The following PPP6C variants were observed in gnomAD, a reference collection of about 807,000 sequenced individuals.
The protein encoded by PPP6C is protein phosphatase 6 catalytic subunit.
In PPP6C, 11 loss-of-function variants were observed where a neutral mutation model predicts 39.8. That is an observed-to-expected ratio of 0.28 (90% CI 0.17 to 0.46). PPP6C has a LOEUF of 0.46. Ranked by LOEUF, PPP6C falls within the 20% of genes least tolerant of loss-of-function variation. The pLI, the probability that PPP6C is intolerant of heterozygous loss-of-function variation, is 1.00. For missense variants in PPP6C, 211 were observed against 373.9 expected (o/e 0.56, Z 3.59); for synonymous variants, 129 against 130.3 (o/e 0.99, Z 0.07).
In PPP6C at chr9:125,148,699, T is replaced by C. The variant is rs568793366; in HGVS notation, c.*974A>G. ...AGATTTTAGTTAATAATACTCATGA[T>C]AGATTGTAAACTGGATTGATCACAT... On this transcript the variant is annotated 3_prime_UTR_variant, in exon 7 of 7. Transcript: ENST00000373547. 2 of 152,346 alleles carry C rather than the reference T, an allele frequency of 1.3e-5. No individual in the cohort carries two copies. The highest frequency in any genetic ancestry group is 4.8e-5 in the African/African-American group (2 of 41,592). The allele number at this position is 152,346 out of a possible 1,614,324, so 9.4% of individuals were successfully genotyped here. A position where few individuals can be genotyped will look rare whatever the true frequency, so the allele number is the denominator to read the frequency against.
At chr9:125,172,240 C>CAG (rs975450740) in intron 1 of PPP6C, among the ~76,000 whole-genome samples, 1 of 151,262 alleles carries the variant, frequency 6.6e-6, no homozygotes, top group African/African-American at 2.4e-5. Flanking sequence ...TTTTTTGAGA[C>CAG]AGAGTCTTGG....
At chr9:125,185,640 G>A (rs1475958412) in intron 1 of PPP6C, among the ~76,000 whole-genome samples, 1 of 151,496 alleles carries the variant, frequency 6.6e-6, no homozygotes, top group Non-Finnish European at 1.5e-5. Context: ...GTTGCAGTGA[G>A]CTGAGAACGT....
rs761581401 is a variant in PPP6C, at chr9:125,153,514, C to G, written c.669+19G>C. On this transcript the variant is annotated intron_variant, in intron 6 of 6. Transcript: ENST00000373547. ...CATTAGCAATCCACAAATTACATTT[C>G]CAAAAATGTTGGCTTTACCTCATTT... The G allele has an allele frequency of 1.2e-6, 2 of 1,609,568 alleles. No individual in the cohort carries two copies. The highest frequency in any genetic ancestry group is 1.7e-6 in the Non-Finnish European group (2 of 1,176,850).
At chr9:125,174,349 G>A (rs1183446964) in intron 1 of PPP6C, among the ~76,000 whole-genome samples, 1 of 152,002 alleles carries the variant, frequency 6.6e-6, no homozygotes. Context: ...AAAAGACAAT[G>A]AGGGGAAATA....
chr9:125,173,587 A>AAAC (rs1214738736), intron 1 of PPP6C, among the ~76,000 whole-genome samples: 3 of 151,116 alleles, frequency 2.0e-5, no homozygotes, highest in African/African-American at 4.9e-5. Context: ...CAAAACAAAC[A>AAAC]AACAACAACA....
At chr9:125,164,050 C>T (rs1409153539) in intron 2 of PPP6C, among the ~76,000 whole-genome samples, 1 of 151,748 alleles carries the variant, frequency 6.6e-6, no homozygotes, top group Non-Finnish European at 1.5e-5. Flanking sequence ...GTTGGCCAGG[C>T]AGATCCTGAA....
At chr9:125,175,657 AAAAAG>A (rs1829282992) in intron 1 of PPP6C, among the ~76,000 whole-genome samples, 1 of 151,800 alleles carries the variant, frequency 6.6e-6, no homozygotes, top group African/African-American at 2.4e-5. Flanking sequence ...AAAAAAAAAA[AAAAAG>A]AAATTACCTA....
At chr9:125,179,961 T>C (rs10986614) in intron 1 of PPP6C, among the ~76,000 whole-genome samples, 21,495 of 152,126 alleles carry the variant, frequency 0.14, 2,019 homozygotes, top group Admixed American at 0.25. Flanking sequence ...AGCCCGAATA[T>C]AATTTTTTAA....
intron 6 of PPP6C, among the ~76,000 whole-genome samples, chr9:125,150,493 C>A (rs1835909384): frequency 6.6e-6 from 1 of 151,228 alleles, no homozygotes; most frequent in Admixed American, 6.6e-5. Context: ...TGTGTTTTAA[C>A]TGAAAACAGT....
intron 4 of PPP6C, 34 bp from the exon 5 acceptor site, chr9:125,154,019 A>T: frequency 6.9e-7 from 1 of 1,450,050 alleles, no homozygotes; most frequent in Non-Finnish European, 9.6e-7. Flanking sequence ...TAATTAATGA[A>T]TCTGCTAATA....
At position 125,149,634 on chromosome 9, in the gene PPP6C, A is replaced by G. The variant is rs762330462; in HGVS notation, c.*39T>C. Reference sequence around the variant, plus strand: ...GTAATACAAGAAAATTGGGGTAAGAAGAGGGCAGAAAAATGGGTCAGCAGG... The same window carrying G: ...GTAATACAAGAAAATTGGGGTAAGAGGAGGGCAGAAAAATGGGTCAGCAGG... On this transcript the variant is annotated 3_prime_UTR_variant, in exon 7 of 7. Coordinates refer to ENST00000373547, the MANE Select transcript of PPP6C (RefSeq NM_002721.5). 4.4e-6 allele frequency: 7 copies of G among 1,601,910 alleles called. No homozygotes were observed. The African/African-American group carries it at 9.4e-5, about 21-fold the overall frequency.
In PPP6C at chr9:125,189,775, G is replaced by C; in HGVS notation, c.-57C>G. ...GGCGGCGGCTGTAGCAGCGGCGGCGGCAGCGGCGGAGGCCGAAGCCGGAAC... is the reference window on the plus strand; with the variant it reads ...GGCGGCGGCTGTAGCAGCGGCGGCGCCAGCGGCGGAGGCCGAAGCCGGAAC... On this transcript the variant is annotated 5_prime_UTR_variant, in exon 1 of 7. Transcript: ENST00000373547. 3.3e-6 allele frequency: 5 copies of C among 1,536,790 alleles called. No individual in the cohort carries two copies. The highest frequency in any genetic ancestry group is 8.8e-7 in the Non-Finnish European group (1 of 1,142,420).
Position 125,189,755 on chromosome 9 carries a change from C to T in PPP6C, c.-37G>A. On this transcript the variant is annotated 5_prime_UTR_variant, in exon 1 of 7. Coordinates refer to ENST00000373547, the MANE Select transcript of PPP6C (RefSeq NM_002721.5). Reference sequence around the variant, plus strand: ...CAAGCCGCGGCAACAGCGGCGGCGGCGGCTGTAGCAGCGGCGGCGGCAGCG... The same window carrying T: ...CAAGCCGCGGCAACAGCGGCGGCGGTGGCTGTAGCAGCGGCGGCGGCAGCG... The T allele has an allele frequency of 6.4e-7, 1 of 1,553,040 alleles. No individual in the cohort carries two copies. The highest frequency in any genetic ancestry group is 8.7e-7 in the Non-Finnish European group (1 of 1,150,916).
intron 2 of PPP6C, among the ~76,000 whole-genome samples, chr9:125,164,158 A>G (rs1828958406): frequency 1.3e-5 from 2 of 150,468 alleles, no homozygotes; most frequent in Non-Finnish European, 3.0e-5. Flanking sequence ...CTACATTACT[A>G]GACACCTACC....
chr9:125,181,926 A>G (rs1299325199), intron 1 of PPP6C, among the ~76,000 whole-genome samples: 1 of 152,206 alleles, frequency 6.6e-6, no homozygotes, highest in Non-Finnish European at 1.5e-5. Flanking sequence ...CCAACAGTGT[A>G]AAAGTGTTCC....
chr9:125,174,860 C>A (rs1829261410), intron 1 of PPP6C, among the ~76,000 whole-genome samples: 1 of 151,736 alleles, frequency 6.6e-6, no homozygotes, highest in African/African-American at 2.4e-5. Context: ...TGCAGTGTGC[C>A]GAGATCGCGC....
chr9:125,179,324 G>A (rs538066008), intron 1 of PPP6C, among the ~76,000 whole-genome samples: 1 of 152,200 alleles, frequency 6.6e-6, no homozygotes, highest in Non-Finnish European at 1.5e-5. Context: ...CTCTTGATAG[G>A]GTCTTTCACA....
At chr9:125,150,959 C>A (rs945288375) in intron 6 of PPP6C, 2 of 1,253,114 alleles carry the variant, frequency 1.6e-6, no homozygotes, top group African/African-American at 2.9e-5. Flanking sequence ...AGTCAGGTGA[C>A]AATCTCAGCC....
intron 1 of PPP6C, chr9:125,189,435 G>A (rs946107474): frequency 2.2e-6 from 3 of 1,343,330 alleles, no homozygotes; most frequent in East Asian, 5.4e-5. Context: ...GACATCCCTC[G>A]GGATCCCCAC....
Sources: allele counts gnomAD v4.1 joint callset (sites outside exome capture counted in the v4.1 genomes callset), GRCh38; gene constraint gnomAD v4.1.1; transcripts MANE v1.5; gene names NCBI Gene and HGNC (gene_info 2026-07-23, HGNC 2026-07-21).